The following RABL6 variants were observed in gnomAD, a reference collection of about 807,000 sequenced individuals.
RABL6 encodes the protein RAB, member RAS oncogene family like 6.
RABL6 carries 28 observed loss-of-function variants against 72.9 expected under a neutral mutation model. That is an observed-to-expected ratio of 0.38 (90% CI 0.28 to 0.53). The LOEUF (loss-of-function observed/expected upper bound fraction) is 0.53. RABL6 is among the 20% of genes least tolerant of loss of function. The pLI is 0.80. For missense variants in RABL6, 1,029 were observed against 1,008.4 expected, an observed-to-expected ratio of 1.02 and a Z score of -0.28; for synonymous variants, 477 against 421.2, an observed-to-expected ratio of 1.13 and a Z score of -1.62.
chr9:136,830,005 AGGACGCACC>A (rs1848438319), intron 5 of RABL6, among the ~76,000 whole-genome samples: 1 of 152,224 alleles, frequency 6.6e-6, no homozygotes, highest in Admixed American at 6.5e-5. Context: ...AGTGTCCCCC[AGGACGCACC>A]GGAGCCCCAG....
At chr9:136,830,904 C>T (rs1030154055) in intron 5 of RABL6, 4 of 154,128 alleles carry the variant, frequency 2.6e-5, no homozygotes, top group African/African-American at 4.8e-5. Context: ...AAAACACTGG[C>T]TCAGACAGCG....
At chr9:136,827,735 T>A (rs1338884166) in intron 3 of RABL6, 1 of 152,280 alleles carries the variant, frequency 6.6e-6, no homozygotes, top group Non-Finnish European at 1.5e-5. Context: ...AGCTGTGGAA[T>A]GAAGTGGACG....
intron 7 of RABL6, chr9:136,834,451 G>T (rs1367388281): frequency 1.2e-5 from 12 of 985,514 alleles, no homozygotes; most frequent in Middle Eastern, 1.0e-3. Flanking sequence ...TTTTTTTGTT[G>T]TTGTTATAGC....
intron 8 of RABL6, 24 bp downstream of exon 8, chr9:136,835,869 C>G: frequency 6.5e-7 from 1 of 1,546,166 alleles, no homozygotes; most frequent in Non-Finnish European, 8.7e-7. Flanking sequence ...CCCGCCCGTG[C>G]GGGCGGTGTG....
chr9:136,833,505 A>T (rs1848524057), intron 7 of RABL6: 3 of 599,836 alleles, frequency 5.0e-6, no homozygotes, highest in South Asian at 1.9e-5. Context: ...GGGGGACCTG[A>T]ACCTCCTCGC....
intron 1 of RABL6, among the ~76,000 whole-genome samples, chr9:136,823,223 C>A (rs925069250): frequency 6.6e-6 from 1 of 151,582 alleles, no homozygotes; most frequent in Non-Finnish European, 1.5e-5. Context: ...CAGGGGTGGG[C>A]TCTAGGGCAG....
chr9:136,830,125 C>T (rs1450230759), intron 5 of RABL6, among the ~76,000 whole-genome samples: 1 of 152,266 alleles, frequency 6.6e-6, no homozygotes, highest in Non-Finnish European at 1.5e-5. Flanking sequence ...TAGCCACAGC[C>T]AGTGCCCGGA....
rs1847900965 is a variant in RABL6 at position 136,807,968 on chromosome 9, G to T, written c.-229G>T. On this transcript the variant is annotated 5_prime_UTR_variant, in exon 1 of 15. It introduces an in-frame stop codon into an upstream open reading frame of the 5' UTR. Transcript: ENST00000311502. ...CGCCAAGATGGCGGCGCTGACTCCTGGAGAGCGGTCGCGCCGGAGGCCGCG... is the reference window on the plus strand; with the variant it reads ...CGCCAAGATGGCGGCGCTGACTCCTTGAGAGCGGTCGCGCCGGAGGCCGCG... The T allele has an allele frequency of 1.0e-6, 1 of 1,003,412 alleles. No homozygotes were observed. Among genetic ancestry groups the T allele is most frequent in the Non-Finnish European group, 1.2e-6 (1 of 843,698 alleles). 62.2% of individuals were successfully genotyped at this position (1,003,412 alleles called of 1,614,324 possible).
At position 136,811,343 on chromosome 9, in the gene RABL6, C is replaced by T. The variant is rs149912887; in HGVS notation, c.130+3017C>T. 9.4e-3 allele frequency among the ~76,000 whole-genome samples: 1,434 copies of T among 152,174 alleles called. 24 individuals are homozygous for T. Among genetic ancestry groups the T allele is most frequent in the African/African-American group, 0.033 (1,360 of 41,512 alleles). On this transcript the variant is annotated intron_variant, in intron 1 of 14. Transcript: ENST00000311502. Reference sequence around the variant, plus strand: ...AAAAAAATTGTGTTTTTTTGCCGGGCGCGGTGGCTCACGCCTGTAATCTCA... The same window carrying T: ...AAAAAAATTGTGTTTTTTTGCCGGGTGCGGTGGCTCACGCCTGTAATCTCA...
chr9:136,819,368 T>G (rs890887478), intron 1 of RABL6, among the ~76,000 whole-genome samples: 5 of 149,254 alleles, frequency 3.3e-5, no homozygotes, highest in Non-Finnish European at 5.9e-5. Context: ...CCAGCTTTAA[T>G]CAAAGGCATA....
chr9:136,808,558 G>T, intron 1 of RABL6: 1 of 274,040 alleles, frequency 3.6e-6, no homozygotes, highest in Non-Finnish European at 6.6e-6. Flanking sequence ...AGCCGCACTC[G>T]CCTGCCGCGT....
intron 13 of RABL6, 57 bp downstream of exon 13, chr9:136,839,922 C>G: frequency 6.4e-7 from 1 of 1,563,314 alleles, no homozygotes; most frequent in Non-Finnish European, 8.7e-7. Flanking sequence ...GAACGTGGGC[C>G]TCCTCCCAGC....
At chr9:136,832,105 C>A in intron 6 of RABL6, 160 bp from the exon 7 acceptor site, 1 of 869,006 alleles carries the variant, frequency 1.2e-6, no homozygotes, top group Non-Finnish European at 1.8e-6. Context: ...CAGAAGGGCA[C>A]TCGGCTTAGC....
rs143766197 is a variant in RABL6, at chr9:136,819,954, G to A, written c.131-3571G>A. 3.3e-5 allele frequency among the ~76,000 whole-genome samples: 5 copies of A among 152,250 alleles called. No individual in the cohort carries two copies. The East Asian group carries it at 9.6e-4, about 29-fold the overall frequency. The stretch of plus-strand genomic sequence containing the variant: ...GTGGTGGCTCACATCTGTAATCCTA[G>A]CACTTTAGGAGGCCAAGATGGGCGG... On this transcript the variant is annotated intron_variant, in intron 1 of 14. Transcript: ENST00000311502.
chr9:136,832,281 T>G lies in RABL6; in HGVS notation c.616T>G (p.Tyr206Asp). 2 of 1,613,856 alleles carry G rather than the reference T, an allele frequency of 1.2e-6. No individual in the cohort carries two copies. The highest frequency in any genetic ancestry group is 2.2e-5 in the South Asian group (2 of 91,086). The stretch of plus-strand genomic sequence containing the variant: ...TGAAAGCAGACCTCCAGGTTCCTCC[T>G]ACTTCCGCTATGCTGAGTCTTCCAT... ...DNLDRPPGSS[Y>D]FRYAESSMKN... Residue 206 changes from tyrosine (Y) to aspartate (D), a missense_variant, in exon 7 of 15, where the codon TAC (tyrosine) becomes GAC (aspartate). Tyr to Asp is a radical substitution (Grantham distance 160, BLOSUM62 -3). Around this residue, in one of 2 missense-constraint regions of RABL6, gnomAD observed 434 missense variants for 536.1 expected, o/e 0.81. Transcript: ENST00000311502.
At chr9:136,832,183 C>A (rs1304724155) in intron 6 of RABL6, 82 bp from the exon 7 acceptor site, 23 of 1,323,614 alleles carry the variant, frequency 1.7e-5, no homozygotes, top group Non-Finnish European at 2.3e-5. Context: ...GCAGTGCGGA[C>A]CCACAGCTGT....
intron 7 of RABL6, chr9:136,833,345 G>C (rs1404743364): frequency 2.7e-6 from 1 of 368,274 alleles, no homozygotes; most frequent in East Asian, 7.8e-5. Context: ...CCTCGCCCTG[G>C]GCTGCCCCGC....
chr9:136,813,188 T>TG (rs1848049847), intron 1 of RABL6: 1 of 497,010 alleles, frequency 2.0e-6, no homozygotes, highest in South Asian at 1.8e-5. Context: ...AGGTGGTCCT[T>TG]GCAACTCCAG....
chr9:136,832,638 T>A, intron 7 of RABL6: 1 of 494,538 alleles, frequency 2.0e-6, no homozygotes, highest in Non-Finnish European at 3.7e-6. Context: ...TTTTTGGTTG[T>A]TTTTGTTTGT....
Sources: gnomAD v4.1 joint callset for allele counts (sites outside exome capture counted in the v4.1 genomes callset) on GRCh38, gnomAD v4.1.1 for gene constraint, gnomAD v4.1.1 regional missense constraint, MANE v1.5 for transcripts, NCBI Gene and HGNC (gene_info 2026-07-23, HGNC 2026-07-21) for gene names.